Variants in CYP19A1 observed in about 807,000 individuals in gnomAD.
The protein encoded by CYP19A1 is aromatase.
CYP19A1 carries 32 observed loss-of-function variants against 44.4 expected under a neutral mutation model. The observed-to-expected ratio is 0.72, with a 90% CI of 0.54 to 0.97. The LOEUF (loss-of-function observed/expected upper bound fraction) is 0.97, where lower values mean the gene tolerates loss of function less well. Ranked by LOEUF, CYP19A1 falls within the 50% of genes least tolerant of loss-of-function variation. CYP19A1 has a pLI of 0.00. For synonymous variants in CYP19A1, 212 were observed against 215.6 expected (o/e 0.98, Z 0.14); for missense variants, 598 against 637.8 (o/e 0.94, Z 0.67).
chr15:51,241,009 G>C (rs754963023), intron 2 of CYP19A1, among the ~76,000 whole-genome samples: 4 of 152,186 alleles, frequency 2.6e-5, no homozygotes, highest in Non-Finnish European at 5.9e-5. Context: ...AAATCAGGAA[G>C]GGAGATTTTT....
chr15:51,230,609 G>C (rs921073841), intron 3 of CYP19A1, among the ~76,000 whole-genome samples: 1 of 146,828 alleles, frequency 6.8e-6, no homozygotes. Context: ...TGGACTAATT[G>C]GTGCCTTCTT....
At chr15:51,218,774 T>G (rs2031816229) in intron 5 of CYP19A1, 119 bp from the exon 6 acceptor site, 1 of 1,512,942 alleles carries the variant, frequency 6.6e-7, no homozygotes, top group Admixed American at 2.0e-5. Context: ...CTGGGGGTTC[T>G]AAGCTCAGCA....
chr15:51,289,167 ACTCT>A (rs751000634), intron 1 of CYP19A1, among the ~76,000 whole-genome samples: 8 of 152,120 alleles, frequency 5.3e-5, no homozygotes, highest in Admixed American at 2.0e-4. Flanking sequence ...TCCCTGTGGT[ACTCT>A]CTCTATGTAT....
chr15:51,255,541 T>G (rs2034481273), intron 1 of CYP19A1: 1 of 152,246 alleles, frequency 6.6e-6, no homozygotes, highest in African/African-American at 2.4e-5. Flanking sequence ...GGGGAGGCTC[T>G]CTGATGTTCC....
chr15:51,227,776 T>A lies in CYP19A1; in HGVS notation c.451+3A>T. ...GATTGTAGCTAACTAAGTACCTGCT[T>A]ACCTTTCATAAAGAAGGGTCGAGTT... On this transcript the variant is annotated splice_donor_region_variant and intron_variant, in intron 4 of 9. Transcript: ENST00000396402. 1.4e-6 allele frequency: 2 copies of A among 1,422,228 alleles called. No homozygotes were observed. The highest frequency in any genetic ancestry group is 2.3e-5 in the East Asian group (1 of 43,970). 88.1% of individuals were successfully genotyped at this position (1,422,228 alleles called of 1,614,324 possible).
chr15:51,261,804 T>G (rs1464546889), intron 1 of CYP19A1, among the ~76,000 whole-genome samples: 2 of 152,026 alleles, frequency 1.3e-5, no homozygotes, highest in Non-Finnish European at 2.9e-5. Context: ...GGAGTAAGAA[T>G]AGCATGCAAG....
chr15:51,333,357 C>G (rs2036730485), intron 1 of CYP19A1, among the ~76,000 whole-genome samples: 1 of 152,106 alleles, frequency 6.6e-6, no homozygotes, highest in Non-Finnish European at 1.5e-5. Context: ...CTCCCAGGCT[C>G]AGGAGTAGAG....
intron 2 of CYP19A1, among the ~76,000 whole-genome samples, chr15:51,240,026 T>C (rs1201315352): frequency 6.6e-6 from 1 of 151,602 alleles, no homozygotes; most frequent in Non-Finnish European, 1.5e-5. Context: ...CTGGGAGCAA[T>C]TTTTCAGAAC....
chr15:51,274,770 C>T (rs560304310), intron 1 of CYP19A1, among the ~76,000 whole-genome samples: 3 of 152,272 alleles, frequency 2.0e-5, no homozygotes, highest in East Asian at 3.9e-4. Context: ...TACATCATCT[C>T]CTGCCCAAAT....
chr15:51,297,289 T>A (rs1180348306), intron 1 of CYP19A1, among the ~76,000 whole-genome samples: 1 of 152,136 alleles, frequency 6.6e-6, no homozygotes, highest in Non-Finnish European at 1.5e-5. Flanking sequence ...CTCTCCCTCA[T>A]CTCCACATGC....
intron 1 of CYP19A1, among the ~76,000 whole-genome samples, chr15:51,328,641 A>T (rs1272426710): frequency 6.6e-6 from 1 of 151,648 alleles, no homozygotes; most frequent in Non-Finnish European, 1.5e-5. Context: ...GAGTCATCTG[A>T]TCCCCCTATT....
At chr15:51,246,317 C>T (rs999210241) in intron 1 of CYP19A1, among the ~76,000 whole-genome samples, 1 of 152,158 alleles carries the variant, frequency 6.6e-6, no homozygotes, top group African/African-American at 2.4e-5. Context: ...ATTTGCCAGG[C>T]CGTCTCAAAT....
chr15:51,331,282 G>A (rs949567544), intron 1 of CYP19A1, among the ~76,000 whole-genome samples: 5 of 152,208 alleles, frequency 3.3e-5, no homozygotes, highest in Non-Finnish European at 7.3e-5. Context: ...TTCCTGCAGA[G>A]AGGCTGCCCC....
intron 4 of CYP19A1, among the ~76,000 whole-genome samples, chr15:51,226,955 A>C (rs1022452751): frequency 6.6e-6 from 1 of 152,058 alleles, no homozygotes. Context: ...AAAATTATCT[A>C]ATTTCATTCA....
chr15:51,240,528 T>C (rs370298585), intron 2 of CYP19A1, among the ~76,000 whole-genome samples: 1 of 152,090 alleles, frequency 6.6e-6, no homozygotes, highest in East Asian at 1.9e-4. Flanking sequence ...ACCAAGAACC[T>C]AGAGAGCCAC....
chr15:51,220,084 T>G (rs1323129598), intron 5 of CYP19A1, among the ~76,000 whole-genome samples: 1 of 152,208 alleles, frequency 6.6e-6, no homozygotes, highest in African/African-American at 2.4e-5. Flanking sequence ...GTAGCATGTG[T>G]TCCAGTTCAG....
chr15:51,230,917 C>A (rs969849563), intron 3 of CYP19A1, among the ~76,000 whole-genome samples: 1 of 152,106 alleles, frequency 6.6e-6, no homozygotes. Context: ...CCACTGCACC[C>A]GGCTGGTAAC....
intron 1 of CYP19A1, among the ~76,000 whole-genome samples, chr15:51,298,854 G>A (rs554203096): frequency 1.3e-5 from 2 of 152,216 alleles, no homozygotes; most frequent in Admixed American, 1.3e-4. Context: ...CTGCGTCTGG[G>A]GCAAAGAATC....
intron 1 of CYP19A1, among the ~76,000 whole-genome samples, chr15:51,290,427 T>G (rs189609341): frequency 5.9e-5 from 9 of 152,306 alleles, no homozygotes; most frequent in Non-Finnish European, 1.3e-4. Context: ...TATTCCTAAG[T>G]CTTCAGAAGA....
Sources: allele counts gnomAD v4.1 joint callset (sites outside exome capture counted in the v4.1 genomes callset), GRCh38; gene constraint gnomAD v4.1.1; transcripts MANE v1.5; gene names NCBI Gene and HGNC (gene_info 2026-07-23, HGNC 2026-07-21).